The following RIMS2 variants were observed in gnomAD, a reference collection of about 807,000 sequenced individuals.
RIMS2 encodes the protein regulating synaptic membrane exocytosis protein 2.
In RIMS2, 59 loss-of-function variants were observed where a neutral mutation model predicts 174.4. The observed-to-expected ratio is 0.34, with a 90% confidence interval of 0.27 to 0.42. The LOEUF (loss-of-function observed/expected upper bound fraction) is 0.42, where lower values mean the gene tolerates loss of function less well. RIMS2 is among the 10% of genes least tolerant of loss of function. The pLI, the probability that RIMS2 is intolerant of heterozygous loss-of-function variation, is 1.00. For missense variants in RIMS2, 1,620 were observed against 1,666.3 expected, an observed-to-expected ratio of 0.97 and a Z score of 0.48; for synonymous variants, 606 against 572.5, an observed-to-expected ratio of 1.06 and a Z score of -0.84.
At chr8:104,114,660 A>G (rs994548096) in intron 19 of RIMS2, among the ~76,000 whole-genome samples, 3 of 151,970 alleles carry the variant, frequency 2.0e-5, no homozygotes, top group Non-Finnish European at 4.4e-5. Context: ...GTAAGATTCT[A>G]GGAACTACAT....
chr8:103,508,513 A>G (rs1221913819), intron 1 of RIMS2, among the ~76,000 whole-genome samples: 1 of 151,742 alleles, frequency 6.6e-6, no homozygotes, highest in Non-Finnish European at 1.5e-5. Context: ...GTTTGCTTGA[A>G]GTGGTTCAGA....
At chr8:103,602,484 C>T (rs569429727) in intron 1 of RIMS2, among the ~76,000 whole-genome samples, 5 of 151,758 alleles carry the variant, frequency 3.3e-5, no homozygotes, top group African/African-American at 9.7e-5. Flanking sequence ...GAGGCTCCAG[C>T]GTCTTTTGTT....
chr8:103,616,437 G>A (rs564034857), intron 1 of RIMS2, among the ~76,000 whole-genome samples: 2 of 152,262 alleles, frequency 1.3e-5, no homozygotes, highest in South Asian at 2.1e-4. Flanking sequence ...AAAGCTGGAA[G>A]CATTCCCCTT....
chr8:103,587,455 AGAAAGAAAGAAAG>A lies in RIMS2; in HGVS notation c.176+86394_176+86406del, dbSNP rs1229738186. ...AAGAAAGAAAGAAAGAAAGAAAGAA[AGAAAGAAAGAAAG>A]AAACTATGCACCAATATTTCTGATG... On this transcript the variant is annotated intron_variant, in intron 1 of 23. Coordinates refer to ENST00000504942, the Ensembl canonical transcript of RIMS2. 8.7e-3 allele frequency among the ~76,000 whole-genome samples: 1,069 copies of A among 123,208 alleles called. 21 individuals carry two copies. The highest frequency in any genetic ancestry group is 0.032 in the African/African-American group (1,018 of 31,852). 80.8% of individuals were successfully genotyped at this position (123,208 alleles called of 152,430 possible). A position where few individuals can be genotyped will look rare whatever the true frequency, so the allele number is the denominator to read the frequency against.
chr8:103,973,578 G>T (rs1046455173), intron 15 of RIMS2, among the ~76,000 whole-genome samples: 5 of 152,112 alleles, frequency 3.3e-5, no homozygotes, highest in African/African-American at 1.2e-4. Flanking sequence ...TGGAAAGAAG[G>T]ATAAGTCTGC....
chr8:104,093,408 C>T (rs1273149339), intron 19 of RIMS2, 63 bp from the exon 24 acceptor site: 26 of 1,145,996 alleles, frequency 2.3e-5, no homozygotes, highest in Non-Finnish European at 3.0e-5. Flanking sequence ...TAGGAGAAAG[C>T]TAATAATTGC....
intron 17 of RIMS2, among the ~76,000 whole-genome samples, chr8:104,006,468 T>C (rs903384073): frequency 2.0e-5 from 3 of 152,118 alleles, no homozygotes. Flanking sequence ...GAGAATCACT[T>C]GAACCTGGGA....
chr8:104,022,946 C>T (rs1172293209), intron 19 of RIMS2, among the ~76,000 whole-genome samples: 1 of 152,128 alleles, frequency 6.6e-6, no homozygotes, highest in East Asian at 1.9e-4. Flanking sequence ...TTCACATACG[C>T]TAACTTGGTT....
At position 103,988,798 on chromosome 8, in the gene RIMS2, T is replaced by C. The variant is rs112666311; in HGVS notation, c.2928-507T>C. On this transcript the variant is annotated intron_variant, in intron 16 of 23. Coordinates refer to ENST00000504942, the Ensembl canonical transcript of RIMS2. ...TATGGTATATTCACAAAGATGGTAG[T>C]TTGGACTGGAGTGGTATCAAGGGAG... 5.9e-5 allele frequency among the ~76,000 whole-genome samples: 9 copies of C among 152,254 alleles called. 2 individuals are homozygous for C. Among genetic ancestry groups the C allele is most frequent in the South Asian group, 2.1e-4 (1 of 4,826 alleles).
At chr8:103,672,449 C>T (rs189951102) in intron 1 of RIMS2, among the ~76,000 whole-genome samples, 17 of 151,784 alleles carry the variant, frequency 1.1e-4, no homozygotes, top group East Asian at 7.8e-4. Context: ...AACATGGTGC[C>T]GGCATCTGCT....
intron 2 of RIMS2, among the ~76,000 whole-genome samples, chr8:103,730,798 G>T (rs985717496): frequency 5.3e-5 from 8 of 152,138 alleles, no homozygotes; most frequent in Non-Finnish European, 1.0e-4. Context: ...GCTTTAGTTT[G>T]TCTGGGGAAG....
At chr8:103,843,729 A>T (rs1286509056) in intron 3 of RIMS2, among the ~76,000 whole-genome samples, 1 of 152,206 alleles carries the variant, frequency 6.6e-6, no homozygotes, top group Non-Finnish European at 1.5e-5. Flanking sequence ...CTCTTATAGG[A>T]ATGAGTTTTA....
Position 104,012,027 on chromosome 8 carries a change from A to G in RIMS2, c.3045-1415A>G, listed in dbSNP as rs112736579. Among the ~76,000 whole-genome samples, 10 of 152,016 alleles carry G rather than the reference A, an allele frequency of 6.6e-5. 2 individuals are homozygous for G. The highest frequency in any genetic ancestry group is 2.4e-4 in the African/African-American group (10 of 41,544). ...ATTTACACTATGAGGTTACCTTTTC[A>G]TTTCTCTTACCATTTAACTGTTACT... On this transcript the variant is annotated intron_variant, in intron 17 of 23. Transcript: ENST00000504942.
At chr8:104,018,097 C>T (rs781339415) in intron 19 of RIMS2, among the ~76,000 whole-genome samples, 6 of 152,098 alleles carry the variant, frequency 3.9e-5, no homozygotes, top group Non-Finnish European at 7.4e-5. Context: ...CTATTGGAGT[C>T]TTTATCATTC....
intron 2 of RIMS2, among the ~76,000 whole-genome samples, chr8:103,738,411 C>T (rs1334816373): frequency 6.6e-6 from 1 of 152,150 alleles, no homozygotes; most frequent in Admixed American, 6.6e-5. Flanking sequence ...AATTGTTAGA[C>T]CTAAAACCAT....
chr8:104,105,161 A>T (rs1265598721), intron 19 of RIMS2, among the ~76,000 whole-genome samples: 2 of 152,162 alleles, frequency 1.3e-5, no homozygotes, highest in African/African-American at 4.8e-5. Flanking sequence ...TGAAGGAGTG[A>T]CCATTAGATA....
chr8:104,061,264 G>A (rs944789595), intron 19 of RIMS2, among the ~76,000 whole-genome samples: 1 of 152,104 alleles, frequency 6.6e-6, no homozygotes, highest in Non-Finnish European at 1.5e-5. Flanking sequence ...CCTGTATTGG[G>A]TACATATATA....
At chr8:104,077,510 C>T (rs957077244) in intron 19 of RIMS2, among the ~76,000 whole-genome samples, 1 of 150,986 alleles carries the variant, frequency 6.6e-6, no homozygotes, top group Admixed American at 6.6e-5. Context: ...ACCCAAAATT[C>T]TTATTGTATA....
intron 10 of RIMS2, among the ~76,000 whole-genome samples, chr8:103,923,826 C>T (rs754221060): frequency 4.6e-5 from 7 of 151,594 alleles, no homozygotes; most frequent in Non-Finnish European, 1.0e-4. Context: ...ATTAATAAGA[C>T]ATAAAATCAC....
Sources: allele counts gnomAD v4.1 joint callset (sites outside exome capture counted in the v4.1 genomes callset), GRCh38; gene constraint gnomAD v4.1.1; transcripts MANE v1.5; gene names NCBI Gene and HGNC (gene_info 2026-07-23, HGNC 2026-07-21).